ARB2A: variants seen among roughly 807,000 people sequenced by gnomAD.
ARB2A encodes the protein ARB2 cotranscriptional regulator A.
chr5:94,063,781 T>A, the ARB2A span, among the ~76,000 whole-genome samples: 10 of 152,050 alleles, frequency 6.6e-5, no homozygotes, highest in Non-Finnish European at 1.2e-4. Flanking sequence ...AGAAATTACA[T>A]GACTGCACAC....
chr5:93,864,340 G>C, the ARB2A span, among the ~76,000 whole-genome samples: 1 of 152,112 alleles, frequency 6.6e-6, no homozygotes, highest in African/African-American at 2.4e-5. Context: ...AAAATAATTA[G>C]TTAAGGGATA....
At chr5:93,814,506 T>C in the ARB2A span, among the ~76,000 whole-genome samples, 2 of 152,148 alleles carry the variant, frequency 1.3e-5, no homozygotes, top group African/African-American at 4.8e-5. Context: ...AAAAAGAACA[T>C]ATCAGTTCAT....
the ARB2A span, among the ~76,000 whole-genome samples, chr5:93,957,804 G>A: frequency 2.1e-4 from 32 of 152,002 alleles, no homozygotes; most frequent in Non-Finnish European, 4.4e-4. Flanking sequence ...AATCATCAGC[G>A]TATTAAAGAA....
chr5:94,019,120 G>A, the ARB2A span, among the ~76,000 whole-genome samples: 91 of 152,238 alleles, frequency 6.0e-4, no homozygotes, highest in East Asian at 0.014. Context: ...GCAGAAAACT[G>A]AAAATGGACC....
At chr5:94,102,457 A>G in the ARB2A span, among the ~76,000 whole-genome samples, 1 of 152,148 alleles carries the variant, frequency 6.6e-6, no homozygotes, top group East Asian at 1.9e-4. Context: ...GAATGAACTC[A>G]ATCAGACAAA....
the ARB2A span, among the ~76,000 whole-genome samples, chr5:93,648,814 G>A: frequency 6.6e-6 from 1 of 152,042 alleles, no homozygotes; most frequent in African/African-American, 2.4e-5. Flanking sequence ...AATTTGTCCC[G>A]ATTTCTTTAT....
At chr5:93,882,089 T>A in the ARB2A span, among the ~76,000 whole-genome samples, 1 of 151,616 alleles carries the variant, frequency 6.6e-6, no homozygotes, top group South Asian at 2.1e-4. Context: ...AATCAAAGTT[T>A]ACAATTCAAA....
At chr5:93,757,949 A>T in the ARB2A span, among the ~76,000 whole-genome samples, 2 of 152,154 alleles carry the variant, frequency 1.3e-5, no homozygotes, top group African/African-American at 2.4e-5. Flanking sequence ...AAAATACAGA[A>T]CCTCAGAATG....
At chr5:93,752,313 A>G in the ARB2A span, among the ~76,000 whole-genome samples, 7 of 152,232 alleles carry the variant, frequency 4.6e-5, no homozygotes, top group Non-Finnish European at 1.0e-4. Context: ...AGCTATTCCT[A>G]TGGGGGCAGT....
the ARB2A span, among the ~76,000 whole-genome samples, chr5:93,648,150 A>AC: frequency 6.6e-6 from 1 of 151,382 alleles, no homozygotes; most frequent in African/African-American, 2.4e-5. Flanking sequence ...TGTCTCAAAA[A>AC]AAAAAAAAAA....
the ARB2A span, among the ~76,000 whole-genome samples, chr5:93,813,973 T>C: frequency 6.6e-6 from 1 of 152,212 alleles, no homozygotes; most frequent in African/African-American, 2.4e-5. Flanking sequence ...ATCTTCTCAG[T>C]TGAATTCCTA....
the ARB2A span, among the ~76,000 whole-genome samples, chr5:93,704,232 A>G: frequency 6.6e-6 from 1 of 152,214 alleles, no homozygotes; most frequent in Non-Finnish European, 1.5e-5. Context: ...AAAGGCCAGT[A>G]TGCCAACAGG....
chr5:93,619,865 A>G, the ARB2A span: 1 of 152,218 alleles, frequency 6.6e-6, no homozygotes, highest in South Asian at 2.1e-4. Context: ...TTTCACACCA[A>G]GTCCTTCTCT....
the ARB2A span, among the ~76,000 whole-genome samples, chr5:93,827,264 CCTGA>C: frequency 6.6e-6 from 1 of 152,130 alleles, no homozygotes; most frequent in African/African-American, 2.4e-5. Context: ...CCTGTTGTTT[CCTGA>C]CTTTTTAATG....
chr5:94,083,834 AAAC>A, the ARB2A span, among the ~76,000 whole-genome samples: 5 of 152,286 alleles, frequency 3.3e-5, no homozygotes, highest in Non-Finnish European at 7.4e-5. Flanking sequence ...AAAAAAAAAA[AAAC>A]AAGAATCTCT....
chr5:93,930,714 T>C, the ARB2A span, among the ~76,000 whole-genome samples: 2 of 152,214 alleles, frequency 1.3e-5, no homozygotes, highest in Non-Finnish European at 2.9e-5. Context: ...ATATTTCTAA[T>C]ATTTATTTAA....
the ARB2A span, among the ~76,000 whole-genome samples, chr5:93,651,819 A>G: frequency 6.6e-6 from 1 of 152,200 alleles, no homozygotes; most frequent in Non-Finnish European, 1.5e-5. Flanking sequence ...GTGGAATTAT[A>G]CTATGTAAGC....
At chr5:93,852,186 G>C in the ARB2A span, among the ~76,000 whole-genome samples, 6 of 152,028 alleles carry the variant, frequency 3.9e-5, no homozygotes, top group Admixed American at 3.3e-4. Flanking sequence ...GTTTTGATTT[G>C]CATTTCTCTG....
At chr5:93,706,688 A>G in the ARB2A span, among the ~76,000 whole-genome samples, 1 of 152,174 alleles carries the variant, frequency 6.6e-6, no homozygotes, top group Admixed American at 6.5e-5. Flanking sequence ...CAACATGGTG[A>G]AATCCCGTGT....
Sources: allele counts gnomAD v4.1 joint callset (sites outside exome capture counted in the v4.1 genomes callset), GRCh38; gene constraint gnomAD v4.1.1; transcripts MANE v1.5; gene names NCBI Gene and HGNC (gene_info 2026-07-23, HGNC 2026-07-21).